The following BFSP1 variants were observed in gnomAD, a reference collection of about 807,000 sequenced individuals.
BFSP1 encodes filensin.
Under a neutral mutation model 43.9 loss-of-function variants are expected in BFSP1, and 38 were observed. The observed-to-expected ratio is 0.87, with a 90% confidence interval of 0.67 to 1.14. The LOEUF (loss-of-function observed/expected upper bound fraction) is 1.14. Ranked by LOEUF, BFSP1 falls within the 50% of genes most tolerant of loss-of-function variation. The pLI is 0.00. For synonymous variants in BFSP1, 352 were observed against 354.8 expected, an observed-to-expected ratio of 0.99 and a Z score of 0.09; for missense variants, 850 against 875.1, an observed-to-expected ratio of 0.97 and a Z score of 0.36.
intron 5 of BFSP1, among the ~76,000 whole-genome samples, chr20:17,508,350 G>A (rs1293731564): frequency 6.6e-6 from 1 of 152,196 alleles, no homozygotes; most frequent in Non-Finnish European, 1.5e-5. Context: ...AAAGGGGTGG[G>A]GGTAGAAATG....
chr20:17,538,110 C>A (rs1040575034), intron 1 of BFSP1, among the ~76,000 whole-genome samples: 1 of 144,882 alleles, frequency 6.9e-6, no homozygotes. Flanking sequence ...GACAGAAGGA[C>A]ACTGTGTCTC....
chr20:17,499,015 T>G lies in BFSP1; in HGVS notation c.761A>C (p.Lys254Thr). Reference sequence around the variant, plus strand: ...ATCGTCATAACACTCATGGGCACTTTTAATAGCTTGTTCCAGAGTTGTTGT... The same window carrying G: ...ATCGTCATAACACTCATGGGCACTTGTAATAGCTTGTTCCAGAGTTGTTGT... ...AQTTTLEQAIKSAHECYDDEI... is the reference protein window; with the variant it reads ...AQTTTLEQAITSAHECYDDEI... Residue 254 changes from lysine (K) to threonine (T), a missense_variant, in exon 6 of 8, where the codon AAA becomes ACA. Lys to Thr is a moderately conservative substitution (Grantham distance 78). Transcript: ENST00000377873. 1 of 1,614,174 alleles carries G rather than the reference T, an allele frequency of 6.2e-7. No homozygotes were observed. The highest frequency in any genetic ancestry group is 8.5e-7 in the Non-Finnish European group (1 of 1,180,006).
chr20:17,549,462 T>A (rs564636399), intron 1 of BFSP1, among the ~76,000 whole-genome samples: 1 of 150,926 alleles, frequency 6.6e-6, no homozygotes, highest in Non-Finnish European at 1.5e-5. Context: ...AGAGAGAGAG[T>A]GGGGAGGTGC....
upstream of BFSP1, among the ~76,000 whole-genome samples, chr20:17,534,944 C>G (rs930268521): frequency 6.6e-6 from 1 of 151,932 alleles, no homozygotes; most frequent in East Asian, 1.9e-4. Context: ...TCCTTGAATC[C>G]GGAGGGGTAG....
intron 7 of BFSP1, among the ~76,000 whole-genome samples, chr20:17,496,529 A>C (rs560050482): frequency 6.6e-6 from 1 of 152,124 alleles, no homozygotes; most frequent in Non-Finnish European, 1.5e-5. Flanking sequence ...CCTTTGATTC[A>C]ATGTGGGGAG....
At chr20:17,537,382 T>G (rs934429746) in intron 1 of BFSP1, among the ~76,000 whole-genome samples, 1 of 152,024 alleles carries the variant, frequency 6.6e-6, no homozygotes, top group Non-Finnish European at 1.5e-5. Flanking sequence ...GTGATGAGTC[T>G]GTAGGAAGGG....
chr20:17,529,524 GTGTGTGTGTCTT>G (rs1402252325), intron 1 of BFSP1, among the ~76,000 whole-genome samples: 48 of 152,272 alleles, frequency 3.2e-4, no homozygotes, highest in African/African-American at 1.1e-3. Flanking sequence ...GTGTGTCTGT[GTGTGTGTGTCTT>G]TGTGTGTGTC....
chr20:17,539,832 G>T (rs2034688532), intron 1 of BFSP1, among the ~76,000 whole-genome samples: 1 of 152,008 alleles, frequency 6.6e-6, no homozygotes, highest in Non-Finnish European at 1.5e-5. Flanking sequence ...GTAGGTCCAG[G>T]TCTACTTTTC....
chr20:17,548,308 A>G lies in BFSP1; in HGVS notation c.2+10380T>C, dbSNP rs1001644553. ...ATTAAAAACAAATTATGGTACGATC[A>G]ATTTATTTACAAAATAAGTTTTAGT... On this transcript the variant is annotated intron_variant, in intron 1 of 7. Coordinates refer to the BFSP1 transcript ENST00000377868. Among the ~76,000 whole-genome samples, 2 of 152,144 alleles carry G rather than the reference A, an allele frequency of 1.3e-5. 1 individual carries two copies. The highest frequency in any genetic ancestry group is 4.1e-4 in the South Asian group (2 of 4,832).
intron 1 of BFSP1, among the ~76,000 whole-genome samples, chr20:17,542,673 T>C (rs79961836): frequency 9.9e-4 from 151 of 152,294 alleles, no homozygotes; most frequent in African/African-American, 3.4e-3. Context: ...ATATCTCTGG[T>C]GATGGAAATT....
chr20:17,508,790 C>G (rs1312734180), intron 5 of BFSP1, 99 bp downstream of exon 5: 13 of 1,125,308 alleles, frequency 1.2e-5, no homozygotes, highest in Non-Finnish European at 1.6e-5. Context: ...ATATGTTCAG[C>G]GTGTGACAGC....
In BFSP1 at chr20:17,497,501, C is replaced by T. The variant is rs562278320; in HGVS notation, c.957-478G>A. Among the ~76,000 whole-genome samples the T allele has an allele frequency of 8.7e-5, 12 of 137,750 alleles. No individual in the cohort carries two copies. In the East Asian group the frequency reaches 1.1e-3, roughly 12 times the overall value. The allele number at this position is 137,750 out of a possible 152,430, so 90.4% of individuals were successfully genotyped here. ...ATATACGTGTGTATATATATATACA[C>T]GTATATATACGTATATATATACACA... On this transcript the variant is annotated intron_variant, in intron 6 of 7. Coordinates refer to ENST00000377873, the MANE Select transcript of BFSP1 (RefSeq NM_001195.5).
chr20:17,497,598 A>G (rs1317637524), intron 6 of BFSP1, among the ~76,000 whole-genome samples: 3 of 119,844 alleles, frequency 2.5e-5, no homozygotes, highest in Admixed American at 8.9e-5. Flanking sequence ...ATATACGTGT[A>G]TATATATACG....
At chr20:17,527,356 C>T (rs2034441813) in intron 1 of BFSP1, among the ~76,000 whole-genome samples, 1 of 152,162 alleles carries the variant, frequency 6.6e-6, no homozygotes, top group South Asian at 2.1e-4. Context: ...AGCTTAAGAA[C>T]ATGTTTGAGG....
Position 17,494,870 on chromosome 20 carries a change from T to G in BFSP1, c.1202A>C (p.Gln401Pro), listed in dbSNP as rs1227880029. The change falls in exon 8 of 8, where the codon CAG becomes CCG. Residue 401 changes from glutamine to proline, a missense_variant. Transcript: ENST00000377873. ...TTCACTTTCCTCTTTAAGTACCACC[T>G]GTACCAGCTTTGTGTCTTCCAAACC... is the stretch of plus-strand genomic sequence containing the variant. ...LKGLEDTKLV[Q>P]VVLKEESESK... 18 of 1,614,138 alleles carry G rather than the reference T, an allele frequency of 1.1e-5. No homozygotes were observed. The highest frequency in any genetic ancestry group is 1.4e-5 in the Non-Finnish European group (16 of 1,180,052).
intron 1 of BFSP1, among the ~76,000 whole-genome samples, chr20:17,527,750 AAGAGAG>A (rs10604740): frequency 3.3e-5 from 5 of 150,386 alleles, no homozygotes; most frequent in Admixed American, 1.3e-4. Context: ...AAAATAAAAT[AAGAGAG>A]AGAGAGAGAG....
intron 1 of BFSP1, among the ~76,000 whole-genome samples, chr20:17,548,180 C>CAAAAAAAAAAAA (rs11470598): frequency 1.9e-4 from 23 of 119,806 alleles, no homozygotes; most frequent in African/African-American, 2.5e-4. Flanking sequence ...GAAAATAATG[C>CAAAAAAAAAAAA]AAAAAAAAAA....
At chr20:17,504,136 G>T (rs537059741) in intron 5 of BFSP1, among the ~76,000 whole-genome samples, 2 of 152,240 alleles carry the variant, frequency 1.3e-5, no homozygotes, top group South Asian at 4.1e-4. Context: ...AACACTGCGG[G>T]AGGAGCTCCT....
chr20:17,496,082 C>T (rs376400057), intron 7 of BFSP1, among the ~76,000 whole-genome samples: 1 of 152,282 alleles, frequency 6.6e-6, no homozygotes, highest in African/African-American at 2.4e-5. Context: ...ACCCCTTGTT[C>T]CAAATTATTA....
Sources: gnomAD v4.1 joint callset for allele counts (sites outside exome capture counted in the v4.1 genomes callset) on GRCh38, gnomAD v4.1.1 for gene constraint, MANE v1.5 for transcripts, NCBI Gene and HGNC (gene_info 2026-07-23, HGNC 2026-07-21) for gene names.